The following VKORC1L1 variants were observed in gnomAD, a reference collection of about 807,000 sequenced individuals.
VKORC1L1 encodes the protein vitamin K epoxide reductase complex subunit 1-like protein 1.
VKORC1L1 carries 2 observed loss-of-function variants against 18.9 expected under a neutral mutation model. That is an observed-to-expected ratio of 0.11 (90% CI 0.04 to 0.33). The LOEUF is 0.33. Ranked by LOEUF, VKORC1L1 falls within the 10% of genes least tolerant of loss-of-function variation. VKORC1L1 has a pLI of 1.00. For missense variants in VKORC1L1, 123 were observed against 224.1 expected, an observed-to-expected ratio of 0.55 and a Z score of 2.88; for synonymous variants, 96 against 100.0, an observed-to-expected ratio of 0.96 and a Z score of 0.24.
rs560628372 is a variant in VKORC1L1 at position 65,952,094 on chromosome 7, G to T, written c.305-1980G>T. ...GCAGTCTTAAGAAGTAGGCATGATT[G>T]TTATCCCAATTTTACAGTTGAGAAA... On this transcript the variant is annotated intron_variant, in intron 2 of 2. Transcript: ENST00000360768. Among the ~76,000 whole-genome samples the T allele has an allele frequency of 2.0e-5, 3 of 152,286 alleles. No individual in the cohort carries two copies. In the South Asian group the frequency reaches 6.2e-4, roughly 32 times the overall value.
At chr7:65,925,350 T>G (rs896374508) in intron 1 of VKORC1L1, among the ~76,000 whole-genome samples, 13 of 152,206 alleles carry the variant, frequency 8.5e-5, no homozygotes, top group Non-Finnish European at 1.6e-4. Context: ...TCTTCAATCT[T>G]CGGATCCATC....
intron 1 of VKORC1L1, among the ~76,000 whole-genome samples, chr7:65,876,587 C>T (rs1788831246): frequency 6.6e-6 from 1 of 152,138 alleles, no homozygotes. Flanking sequence ...TGCAAACCTG[C>T]ACCAGCCTGC....
rs530688995 is a variant in VKORC1L1 at position 65,935,295 on chromosome 7, A to G, written c.195-13376A>G. Among the ~76,000 whole-genome samples, 48 of 151,864 alleles carry G rather than the reference A, an allele frequency of 3.2e-4. 3 individuals are homozygous for G. The South Asian group carries it at 9.6e-3, about 30-fold the overall frequency. On this transcript the variant is annotated intron_variant, in intron 1 of 2. Transcript: ENST00000360768. ...AGTTGACAGTTCTTTTCAGTACTTT[A>G]AAGATTTCGGCCTCCATGGTTTCTT...
At chr7:65,905,004 T>C (rs962191276) in intron 1 of VKORC1L1, among the ~76,000 whole-genome samples, 6 of 152,210 alleles carry the variant, frequency 3.9e-5, no homozygotes, top group Non-Finnish European at 8.8e-5. Flanking sequence ...TACATACACA[T>C]GCCTGTATGT....
rs574689728 is a variant in VKORC1L1 at position 65,954,297 on chromosome 7, C to T, written c.528C>T (p.Asp176=). Residue 176 remains aspartate (D), a synonymous_variant, in exon 3 of 3, where the codon GAC becomes GAT. Transcript: ENST00000360768. ...AGCGGCAGCTGCAACCCAAGCAGGA[C>T]TGACGCCCGACAGACTCCACCCTAA... is the stretch of plus-strand genomic sequence containing the variant. The part of the protein sequence containing the change: ...AWKRQLQPKQ[D] 1.9e-6 allele frequency: 3 copies of T among 1,614,092 alleles called. No individual in the cohort carries two copies. The South Asian group carries it at 3.3e-5, about 18-fold the overall frequency.
intron 1 of VKORC1L1, among the ~76,000 whole-genome samples, chr7:65,902,335 A>G (rs899098685): frequency 6.6e-6 from 1 of 152,214 alleles, no homozygotes; most frequent in Admixed American, 6.5e-5. Flanking sequence ...AAAAAGACCC[A>G]AACAGAACAT....
intron 1 of VKORC1L1, among the ~76,000 whole-genome samples, chr7:65,907,764 C>A (rs1789429620): frequency 6.6e-6 from 1 of 152,150 alleles, no homozygotes. Context: ...AGTTCAAGTT[C>A]ACTTGAACTT....
At chr7:65,950,088 CT>C (rs994022684) in intron 2 of VKORC1L1, among the ~76,000 whole-genome samples, 14 of 148,470 alleles carry the variant, frequency 9.4e-5, no homozygotes, top group Non-Finnish European at 1.3e-4. Flanking sequence ...TGTAAAATTT[CT>C]TTTTTTTTTA....
intron 2 of VKORC1L1, among the ~76,000 whole-genome samples, chr7:65,952,966 T>C (rs1790238159): frequency 6.6e-6 from 1 of 151,756 alleles, no homozygotes; most frequent in South Asian, 2.1e-4. Flanking sequence ...TTTTTTTCTC[T>C]TGTACTTTTT....
chr7:65,933,171 C>A (rs1409553575), intron 1 of VKORC1L1, among the ~76,000 whole-genome samples: 7 of 151,608 alleles, frequency 4.6e-5, no homozygotes, highest in African/African-American at 1.7e-4. Context: ...TCTCTTCAGA[C>A]CTGTATCCTT....
At chr7:65,914,644 C>A (rs1406943791) in intron 1 of VKORC1L1, among the ~76,000 whole-genome samples, 1 of 152,156 alleles carries the variant, frequency 6.6e-6, no homozygotes, top group Non-Finnish European at 1.5e-5. Flanking sequence ...CAAGCTAATT[C>A]TTTTCCACCC....
chr7:65,940,109 C>T (rs1343589455), intron 1 of VKORC1L1, among the ~76,000 whole-genome samples: 1 of 151,908 alleles, frequency 6.6e-6, no homozygotes, highest in Non-Finnish European at 1.5e-5. Flanking sequence ...ACTGTGGCCT[C>T]GAACTGCTGG....
At chr7:65,906,597 T>C (rs538818401) in intron 1 of VKORC1L1, among the ~76,000 whole-genome samples, 1 of 152,274 alleles carries the variant, frequency 6.6e-6, no homozygotes, top group South Asian at 2.1e-4. Flanking sequence ...TTTGAAAGAA[T>C]TGGAGTTATT....
intron 1 of VKORC1L1, among the ~76,000 whole-genome samples, chr7:65,919,967 C>A (rs1415755933): frequency 6.6e-6 from 1 of 152,116 alleles, no homozygotes; most frequent in Non-Finnish European, 1.5e-5. Context: ...TCAAAGTCAT[C>A]ATCATGGCCT....
intron 1 of VKORC1L1, among the ~76,000 whole-genome samples, chr7:65,918,710 GA>G (rs1175041803): frequency 1.3e-5 from 2 of 152,226 alleles, no homozygotes; most frequent in African/African-American, 4.8e-5. Context: ...AGGTAACTGA[GA>G]AAATATATGT....
chr7:65,942,521 A>ATTTTTTT (rs1277451754), intron 1 of VKORC1L1, among the ~76,000 whole-genome samples: 3 of 149,790 alleles, frequency 2.0e-5, no homozygotes, highest in African/African-American at 7.4e-5. Context: ...GACTTGTTGA[A>ATTTTTTT]TTTTTTTCTT....
At position 65,956,888 on chromosome 7, in the gene VKORC1L1, T is replaced by C. The variant is rs1037606086; in HGVS notation, c.*2588T>C. The C allele has an allele frequency of 1.3e-5, 2 of 152,228 alleles. No individual in the cohort carries two copies. Among genetic ancestry groups the C allele is most frequent in the Non-Finnish European group, 2.9e-5 (2 of 68,034 alleles). The allele number at this position is 152,228 out of a possible 1,614,324, so 9.4% of individuals were successfully genotyped here. ...TTTTTAGCAGTAATTCCATGCCTCA[T>C]CTTTTTTAAGTGATTTGTTCCAAAT... is the stretch of plus-strand genomic sequence containing the variant. On this transcript the variant is annotated 3_prime_UTR_variant, in exon 3 of 3. Transcript: ENST00000360768.
At chr7:65,919,891 A>G (rs1009575734) in intron 1 of VKORC1L1, among the ~76,000 whole-genome samples, 2 of 152,128 alleles carry the variant, frequency 1.3e-5, no homozygotes. Context: ...CTCTGTCTCT[A>G]CTAAAACTAC....
chr7:65,888,091 G>C (rs1037730485), intron 1 of VKORC1L1, among the ~76,000 whole-genome samples: 1 of 152,194 alleles, frequency 6.6e-6, no homozygotes, highest in Non-Finnish European at 1.5e-5. Context: ...CCCTGTGTGT[G>C]TATGTGTCTG....
Sources: gnomAD v4.1 joint callset for allele counts (sites outside exome capture counted in the v4.1 genomes callset) on GRCh38, gnomAD v4.1.1 for gene constraint, MANE v1.5 for transcripts, NCBI Gene and HGNC (gene_info 2026-07-23, HGNC 2026-07-21) for gene names.